The following MEGF10 variants were observed in gnomAD, a reference collection of about 807,000 sequenced individuals.
The protein encoded by MEGF10 is multiple epidermal growth factor-like domains protein 10.
In MEGF10, 86 loss-of-function variants were observed where a neutral mutation model predicts 147.5. That is an observed-to-expected ratio of 0.58 (90% CI 0.49 to 0.70). The LOEUF (loss-of-function observed/expected upper bound fraction) is 0.70. Among genes scored for constraint, MEGF10 ranks in the 30% least tolerant of loss-of-function variants. The probability of loss-of-function intolerance (pLI) is 0.00; values close to 1 mark genes in which losing one functional copy is unlikely to be tolerated. For missense variants in MEGF10, 1,329 were observed against 1,487.3 expected (o/e 0.89, Z 1.75); for synonymous variants, 478 against 525.5 (o/e 0.91, Z 1.24).
chr5:127,454,350 G>A (rs6867826), intron 22 of MEGF10, among the ~76,000 whole-genome samples: 9 of 152,248 alleles, frequency 5.9e-5, no homozygotes, highest in African/African-American at 1.9e-4. Flanking sequence ...CTTTTCCTGA[G>A]TCACTGTAAA....
At chr5:127,354,504 G>T (rs113064510) in intron 4 of MEGF10, among the ~76,000 whole-genome samples, 347 of 152,308 alleles carry the variant, frequency 2.3e-3, no homozygotes, top group African/African-American at 7.9e-3. Flanking sequence ...CTGAGGCTGT[G>T]TCTGGGCTAA....
At chr5:127,343,339 A>G (rs369064889) in intron 4 of MEGF10, among the ~76,000 whole-genome samples, 1 of 152,152 alleles carries the variant, frequency 6.6e-6, no homozygotes, top group East Asian at 1.9e-4. Context: ...CCTTCAGGAG[A>G]GCAGGTCCTG....
chr5:127,372,887 T>C (rs527376563), intron 5 of MEGF10, among the ~76,000 whole-genome samples: 1 of 152,296 alleles, frequency 6.6e-6, no homozygotes, highest in South Asian at 2.1e-4. Context: ...TTCTGTACTC[T>C]ACTCTGCAGA....
At chr5:127,257,596 G>A in the MEGF10 span, among the ~76,000 whole-genome samples, 36 of 152,234 alleles carry the variant, frequency 2.4e-4, no homozygotes, top group South Asian at 6.2e-4. Context: ...CAATTTAGAC[G>A]TTTATTTTGC....
chr5:127,328,154 G>T (rs780169285), intron 1 of MEGF10, among the ~76,000 whole-genome samples: 1 of 152,146 alleles, frequency 6.6e-6, no homozygotes, highest in Non-Finnish European at 1.5e-5. Context: ...TGGCATATTT[G>T]TGAGATGTCT....
chr5:127,351,461 T>C (rs1290284763), intron 4 of MEGF10, among the ~76,000 whole-genome samples: 2 of 152,204 alleles, frequency 1.3e-5, no homozygotes, highest in Non-Finnish European at 2.9e-5. Flanking sequence ...TATATTAATA[T>C]ATACTAACGT....
Position 127,378,718 on chromosome 5 carries a change from T to C in MEGF10, c.412+8716T>C, listed in dbSNP as rs556726328. Among the ~76,000 whole-genome samples the C allele has an allele frequency of 7.9e-5, 12 of 152,276 alleles. No individual in the cohort carries two copies. The East Asian group carries it at 2.1e-3, about 27-fold the overall frequency. On this transcript the variant is annotated intron_variant, in intron 5 of 24. Transcript: ENST00000503335. ...CCTCCTGCCTCAGCCTCCCAAAGTG[T>C]TGGGAATTACAGGCATGGGCCACCG...
At chr5:127,329,940 A>G (rs1580721610) in intron 1 of MEGF10, among the ~76,000 whole-genome samples, 1 of 152,080 alleles carries the variant, frequency 6.6e-6, no homozygotes, top group Non-Finnish European at 1.5e-5. Flanking sequence ...GTCCTAGCAT[A>G]TCGTATGTGT....
the MEGF10 span, among the ~76,000 whole-genome samples, chr5:127,253,169 C>T: frequency 6.6e-6 from 1 of 151,884 alleles, no homozygotes; most frequent in Admixed American, 6.6e-5. Context: ...ATGTGATTGT[C>T]TAGAGGTGAC....
chr5:127,269,471 C>G, the MEGF10 span, among the ~76,000 whole-genome samples: 4 of 152,066 alleles, frequency 2.6e-5, no homozygotes, highest in East Asian at 7.7e-4. Context: ...ATTTCATCAA[C>G]TGGAAGAAAG....
chr5:127,375,319 C>G (rs907362340), intron 5 of MEGF10, among the ~76,000 whole-genome samples: 1 of 152,030 alleles, frequency 6.6e-6, no homozygotes, highest in Admixed American at 6.6e-5. Flanking sequence ...TTTGATATGT[C>G]TGTTTGCCTT....
intron 8 of MEGF10, among the ~76,000 whole-genome samples, chr5:127,404,063 T>G (rs1025897579): frequency 6.6e-6 from 1 of 152,196 alleles, no homozygotes; most frequent in Non-Finnish European, 1.5e-5. Context: ...CCACTCACAG[T>G]GTACAAGGGT....
chr5:127,449,297 G>A, intron 22 of MEGF10, 75 bp downstream of exon 22: 2 of 1,577,460 alleles, frequency 1.3e-6, no homozygotes, highest in East Asian at 2.2e-5. Flanking sequence ...ATCTCTGTTT[G>A]TGCCAAGGTG....
Position 127,396,651 on chromosome 5 carries a change from T to C in MEGF10, c.532T>C (p.Cys178Arg), listed in dbSNP as rs773799802. 2 of 1,614,068 alleles carry C rather than the reference T, an allele frequency of 1.2e-6. No homozygotes were observed. Among genetic ancestry groups the C allele is most frequent in the South Asian group, 2.2e-5 (2 of 91,076 alleles). ...HCAAGFRGWRCEDRCEQGTYG... is the reference protein window; with the variant it reads ...HCAAGFRGWRREDRCEQGTYG... ...TGCTGCGGGCTTCCGGGGCTGGCGC[T>C]GCGAGGACCGCTGTGAGCAGGGCAC... Residue 178 changes from cysteine to arginine, a missense_variant, in exon 6 of 25, where the codon TGC (cysteine) becomes CGC (arginine). Physicochemically the swap from Cys to Arg is radical, Grantham distance 180. Coordinates refer to ENST00000503335, the MANE Select transcript of MEGF10 (RefSeq NM_001256545.2).
At chr5:127,398,649 G>A in intron 6 of MEGF10, 27 bp from the exon 7 acceptor site, 1 of 1,613,872 alleles carries the variant, frequency 6.2e-7, no homozygotes, top group South Asian at 1.1e-5. Context: ...AAATAACAGT[G>A]TCCTTTGTCA....
chr5:127,415,437 G>C (rs942585231), intron 9 of MEGF10, among the ~76,000 whole-genome samples: 3 of 152,168 alleles, frequency 2.0e-5, no homozygotes, highest in African/African-American at 7.2e-5. Context: ...AGGTGATAAG[G>C]CATGAGTGGA....
the MEGF10 span, among the ~76,000 whole-genome samples, chr5:127,271,338 GT>G: frequency 6.6e-6 from 1 of 151,830 alleles, no homozygotes; most frequent in East Asian, 1.9e-4. Flanking sequence ...AAATATGTTT[GT>G]TGGCCACATG....
intron 8 of MEGF10, among the ~76,000 whole-genome samples, chr5:127,405,195 A>T (rs1459162602): frequency 1.3e-5 from 2 of 152,282 alleles, no homozygotes; most frequent in East Asian, 3.9e-4. Flanking sequence ...CTGCATAAAT[A>T]TTAGCTATCA....
chr5:127,425,807 A>C (rs779047281), intron 13 of MEGF10, among the ~76,000 whole-genome samples: 1 of 152,230 alleles, frequency 6.6e-6, no homozygotes, highest in African/African-American at 2.4e-5. Flanking sequence ...AGGTCAAAAG[A>C]TAAACATAAG....
Sources: allele counts gnomAD v4.1 joint callset (sites outside exome capture counted in the v4.1 genomes callset), GRCh38; gene constraint gnomAD v4.1.1; transcripts MANE v1.5; gene names NCBI Gene and HGNC (gene_info 2026-07-23, HGNC 2026-07-21).